Variants in CHLSN observed in about 807,000 individuals in gnomAD.
CHLSN encodes cholesin, also known as protein cholesin.
At chr7:1,010,038 T>C in the CHLSN span, 1 of 1,610,762 alleles carries the variant, frequency 6.2e-7, no homozygotes, top group Non-Finnish European at 8.5e-7. Flanking sequence ...AGACGCTGCC[T>C]CTCCTCTTTC....
chr7:1,095,765 C>T, the CHLSN span, among the ~76,000 whole-genome samples: 2 of 152,344 alleles, frequency 1.3e-5, no homozygotes, highest in African/African-American at 4.8e-5. Flanking sequence ...AGGAATTCAG[C>T]CACGCTCTCC....
chr7:1,034,392 GTT>G, the CHLSN span, among the ~76,000 whole-genome samples: 3 of 148,828 alleles, frequency 2.0e-5, no homozygotes, highest in African/African-American at 2.5e-5. Flanking sequence ...AAATTTCAGG[GTT>G]TTTTTTTTTG....
chr7:988,960 G>A, the CHLSN span: 1 of 601,484 alleles, frequency 1.7e-6, no homozygotes, highest in Non-Finnish European at 2.9e-6. Context: ...CACCCCCACA[G>A]GGTCAGCAAC....
At chr7:1,006,327 A>C in the CHLSN span, among the ~76,000 whole-genome samples, 4 of 152,104 alleles carry the variant, frequency 2.6e-5, no homozygotes, top group Non-Finnish European at 5.9e-5. Flanking sequence ...CAGTGCAGGG[A>C]AAGAGCACAC....
At chr7:1,099,918 C>A in the CHLSN span, among the ~76,000 whole-genome samples, 1 of 152,208 alleles carries the variant, frequency 6.6e-6, no homozygotes, top group Admixed American at 6.5e-5. Flanking sequence ...ACGGCAAACC[C>A]TGAGTAATAC....
At chr7:1,057,455 G>A in the CHLSN span, 112 of 682,222 alleles carry the variant, frequency 1.6e-4, no homozygotes, top group African/African-American at 1.4e-3. Flanking sequence ...GCTTTGGGAC[G>A]GGACGCGAGC....
chr7:990,563 G>A, the CHLSN span, among the ~76,000 whole-genome samples: 1 of 152,020 alleles, frequency 6.6e-6, no homozygotes, highest in Non-Finnish European at 1.5e-5. Context: ...GGGACACACG[G>A]GTGCACGGCA....
the CHLSN span, among the ~76,000 whole-genome samples, chr7:1,067,282 G>A: frequency 1.7e-4 from 20 of 120,506 alleles, no homozygotes; most frequent in Admixed American, 3.3e-4. Context: ...CCAGAGGTGC[G>A]GGTTTGGGGC....
chr7:1,062,810 G>C, the CHLSN span, among the ~76,000 whole-genome samples: 2 of 152,318 alleles, frequency 1.3e-5, no homozygotes, highest in East Asian at 3.9e-4. Flanking sequence ...GTCAGGTTGG[G>C]AAGTGAAGGA....
chr7:1,037,595 A>G, the CHLSN span, among the ~76,000 whole-genome samples: 1 of 146,284 alleles, frequency 6.8e-6, no homozygotes, highest in Non-Finnish European at 1.5e-5. Context: ...TCGGCTCACT[A>G]CAACCTACAC....
chr7:1,114,265 G>T, the CHLSN span, among the ~76,000 whole-genome samples: 1 of 152,260 alleles, frequency 6.6e-6, no homozygotes, highest in Non-Finnish European at 1.5e-5. Flanking sequence ...AGGAGACGCA[G>T]AACTGGAGGC....
At chr7:1,023,149 G>GT in the CHLSN span, 2 of 374,602 alleles carry the variant, frequency 5.3e-6, no homozygotes, top group South Asian at 3.7e-5. The surrounding 1 kb of genome is among the most constrained non-coding windows in gnomAD (Gnocchi z 5.0). Flanking sequence ...TTTTAAACGC[G>GT]TGAGGTCTGA....
the CHLSN span, chr7:1,058,297 C>G: frequency 5.2e-6 from 4 of 774,538 alleles, no homozygotes; most frequent in Admixed American, 5.1e-5. Context: ...GTCATCATCT[C>G]GCGAGGGAAG....
chr7:1,138,123 C>A, the CHLSN span: 6 of 151,262 alleles, frequency 4.0e-5, no homozygotes, highest in East Asian at 1.2e-3. Flanking sequence ...GGGAGCCCGC[C>A]CCGGGGCTCT....
chr7:1,110,625 C>T, the CHLSN span, among the ~76,000 whole-genome samples: 3 of 152,234 alleles, frequency 2.0e-5, no homozygotes, highest in Non-Finnish European at 4.4e-5. Flanking sequence ...GGACACGGGC[C>T]TCGCGGGGCC....
chr7:1,104,109 C>T, the CHLSN span, among the ~76,000 whole-genome samples: 7 of 152,222 alleles, frequency 4.6e-5, no homozygotes, highest in Non-Finnish European at 8.8e-5. Context: ...CACTGCCAGG[C>T]GGGACCAAAG....
the CHLSN span, among the ~76,000 whole-genome samples, chr7:991,208 C>T: frequency 2.0e-5 from 3 of 152,080 alleles, no homozygotes; most frequent in African/African-American, 7.2e-5. Context: ...TGATGAGTGA[C>T]GGCTGAGCTT....
At chr7:1,010,507 A>G in the CHLSN span, among the ~76,000 whole-genome samples, 1 of 152,172 alleles carries the variant, frequency 6.6e-6, no homozygotes, top group Non-Finnish European at 1.5e-5. Context: ...GGAGGGCTGA[A>G]GGTGTGCTGG....
At chr7:980,832 C>T in the CHLSN span, among the ~76,000 whole-genome samples, 404 of 151,998 alleles carry the variant, frequency 2.7e-3, 2 homozygotes, top group African/African-American at 9.0e-3. Flanking sequence ...GGACTACAGG[C>T]GCCCGCTATC....
Sources: gnomAD v4.1 joint callset for allele counts (sites outside exome capture counted in the v4.1 genomes callset) on GRCh38, gnomAD v4.1.1 for gene constraint, Gnocchi (gnomAD v3.1) non-coding constraint, MANE v1.5 for transcripts, NCBI Gene and HGNC (gene_info 2026-07-23, HGNC 2026-07-21) for gene names.